Variants in ERC1 observed in about 807,000 individuals in gnomAD.
ERC1 encodes RAB6 interacting protein 2.
In ERC1, 56 loss-of-function variants were observed where a neutral mutation model predicts 132.0. The ratio of observed to expected loss-of-function variants is 0.42; its 90% CI spans 0.34 to 0.53. The LOEUF (loss-of-function observed/expected upper bound fraction) is 0.53, where lower values mean the gene tolerates loss of function less well. Ranked by LOEUF, ERC1 falls within the 20% of genes least tolerant of loss-of-function variation. ERC1 has a pLI of 0.03. For missense variants in ERC1, 1,202 were observed against 1,349.9 expected (o/e 0.89, Z 1.72); for synonymous variants, 478 against 476.1 (o/e 1.00, Z -0.05).
chr12:1,313,948 C>T (rs2081503960), intron 15 of ERC1, among the ~76,000 whole-genome samples: 2 of 152,116 alleles, frequency 1.3e-5, no homozygotes, highest in East Asian at 3.8e-4. Context: ...CACACCATTG[C>T]ACTTCAGCCT....
At chr12:1,278,003 G>T (rs181328709) in intron 14 of ERC1, among the ~76,000 whole-genome samples, 1 of 152,300 alleles carries the variant, frequency 6.6e-6, no homozygotes, top group Non-Finnish European at 1.5e-5. Flanking sequence ...CAAGGAGTTT[G>T]AATCCCCTTT....
At chr12:1,135,183 A>G (rs1309725780) in intron 7 of ERC1, among the ~76,000 whole-genome samples, 2 of 152,072 alleles carry the variant, frequency 1.3e-5, no homozygotes, top group East Asian at 1.9e-4. Flanking sequence ...TCCTGTTCCA[A>G]CCTAACCTTT....
intron 1 of ERC1, among the ~76,000 whole-genome samples, chr12:998,853 CTTTTTTT>C (rs527367596): frequency 1.2e-4 from 12 of 102,478 alleles, no homozygotes; most frequent in South Asian, 3.0e-4. Flanking sequence ...TTCTCTGTCA[CTTTTTTT>C]TTTTTTTTTT....
chr12:1,435,889 G>A (rs1378016648), intron 17 of ERC1, among the ~76,000 whole-genome samples: 1 of 152,076 alleles, frequency 6.6e-6, no homozygotes, highest in Non-Finnish European at 1.5e-5. Flanking sequence ...TTGGATTTCG[G>A]GTAATAGCTA....
intron 8 of ERC1, among the ~76,000 whole-genome samples, chr12:1,160,370 G>A (rs1951777528): frequency 6.6e-6 from 1 of 151,986 alleles, no homozygotes; most frequent in Admixed American, 6.6e-5. Context: ...CACTTTGTTT[G>A]CAGGTCCAGA....
At chr12:1,211,973 G>A (rs923249227) in intron 12 of ERC1, among the ~76,000 whole-genome samples, 1 of 146,294 alleles carries the variant, frequency 6.8e-6, no homozygotes, top group South Asian at 2.1e-4. Flanking sequence ...CTTGCTTATT[G>A]TCATTATTAG....
chr12:1,404,532 G>A (rs892998327), intron 16 of ERC1, among the ~76,000 whole-genome samples: 1 of 152,186 alleles, frequency 6.6e-6, no homozygotes, highest in Non-Finnish European at 1.5e-5. Context: ...TTTCTCTTTT[G>A]AGTGAGACAC....
At chr12:1,367,658 A>G (rs1225332300) in intron 15 of ERC1, among the ~76,000 whole-genome samples, 3 of 152,108 alleles carry the variant, frequency 2.0e-5, no homozygotes, top group Non-Finnish European at 4.4e-5. Context: ...CAGTTTCTGA[A>G]ATTTGCCCAG....
intron 14 of ERC1, among the ~76,000 whole-genome samples, chr12:1,287,177 GTACTGCACATTGGC>G (rs1418306876): frequency 2.0e-5 from 3 of 152,224 alleles, no homozygotes; most frequent in Admixed American, 2.0e-4. Context: ...TAAATAAATG[GTACTGCACATTGGC>G]TATCCATATG....
chr12:1,269,460 C>A (rs77702922), intron 14 of ERC1, among the ~76,000 whole-genome samples: 5 of 152,016 alleles, frequency 3.3e-5, no homozygotes, highest in African/African-American at 7.3e-5. Context: ...ATATGACTGG[C>A]GGGCAAGAAC....
chr12:1,396,866 C>T (rs986697563), intron 16 of ERC1, among the ~76,000 whole-genome samples: 9 of 152,200 alleles, frequency 5.9e-5, no homozygotes, highest in Admixed American at 3.3e-4. Context: ...ATTAGAGGCT[C>T]GCTGTGCAGA....
intron 18 of ERC1, among the ~76,000 whole-genome samples, chr12:1,489,499 T>A (rs989156075): frequency 3.3e-5 from 5 of 151,936 alleles, no homozygotes; most frequent in African/African-American, 7.3e-5. Context: ...CAGCACAGAG[T>A]AGCGCTCAAT....
intron 15 of ERC1, among the ~76,000 whole-genome samples, chr12:1,349,920 C>A (rs2084850330): frequency 6.6e-6 from 1 of 152,180 alleles, no homozygotes; most frequent in Non-Finnish European, 1.5e-5. Flanking sequence ...GCACTGACTG[C>A]AGCCTAGGTC....
chr12:1,007,540 C>CTCTCTCTGTGTGTGTGTGTG (rs1555194875), intron 1 of ERC1, among the ~76,000 whole-genome samples: 7 of 122,710 alleles, frequency 5.7e-5, no homozygotes, highest in African/African-American at 2.6e-4. Flanking sequence ...CTCTCTCTCT[C>CTCTCTCTGTGTGTGTGTGTG]TGTGTGTGTG....
chr12:1,224,851 C>CAAATAACAAA (rs1278328705), intron 12 of ERC1, among the ~76,000 whole-genome samples: 1 of 151,698 alleles, frequency 6.6e-6, no homozygotes, highest in African/African-American at 2.4e-5. Flanking sequence ...ATTAGCCAGG[C>CAAATAACAAA]ATGGTGGCAT....
chr12:1,150,934 C>T (rs1024996329), intron 8 of ERC1, among the ~76,000 whole-genome samples: 6 of 152,120 alleles, frequency 3.9e-5, no homozygotes, highest in African/African-American at 9.7e-5. Flanking sequence ...GAATAAAGCA[C>T]GGACTCTTGT....
At chr12:1,104,928 A>G (rs1405277022) in intron 4 of ERC1, 104 bp downstream of exon 4, 1 of 688,468 alleles carries the variant, frequency 1.5e-6, no homozygotes, top group Non-Finnish European at 2.6e-6. Context: ...ATAGTATTTC[A>G]CTTATTTGGA....
At chr12:1,080,848 A>C (rs910728142) in intron 2 of ERC1, among the ~76,000 whole-genome samples, 2 of 152,116 alleles carry the variant, frequency 1.3e-5, no homozygotes, top group African/African-American at 4.8e-5. Flanking sequence ...TGTAAGTCCA[A>C]TTAAACCTCT....
Position 1,217,491 on chromosome 12 carries a change from C to A in ERC1, c.2352-19278C>A, listed in dbSNP as rs192765929. 1.6e-3 allele frequency among the ~76,000 whole-genome samples: 244 copies of A among 152,280 alleles called. 2 individuals are homozygous for A. Among genetic ancestry groups the A allele is most frequent in the Middle Eastern group, 3.4e-3 (1 of 294 alleles). ...GCCTGCTGCCATTCCTAGACAGTGT[C>A]ATTTCTCTGATTTAGGGCATTGTGT... On this transcript the variant is annotated intron_variant, in intron 12 of 18. Coordinates refer to ENST00000360905, the MANE Select transcript of ERC1 (RefSeq NM_178040.4).
Sources: allele counts gnomAD v4.1 joint callset (sites outside exome capture counted in the v4.1 genomes callset), GRCh38; gene constraint gnomAD v4.1.1; transcripts MANE v1.5; gene names NCBI Gene and HGNC (gene_info 2026-07-23, HGNC 2026-07-21).